UGT2A2: variants seen among roughly 807,000 people sequenced by gnomAD.
The protein encoded by UGT2A2 is UDP-glucuronosyltransferase 2A2.
Under a neutral mutation model 50.7 loss-of-function variants are expected in UGT2A2, and 60 were observed. The ratio of observed to expected loss-of-function variants is 1.18; its 90% CI spans 0.96 to 1.47. The LOEUF is 1.47. Among genes scored for constraint, UGT2A2 ranks in the 40% most tolerant of loss-of-function variants. The pLI, the probability that UGT2A2 is intolerant of heterozygous loss-of-function variation, is 0.00. For missense variants in UGT2A2, 762 were observed against 634.0 expected (o/e 1.20, Z -2.17); for synonymous variants, 242 against 214.6 (o/e 1.13, Z -1.11).
In UGT2A2 at chr4:69,623,500, A is replaced by G. The variant is rs1253628232; in HGVS notation, c.742+15399T>C. Reference sequence around the variant, plus strand: ...AGGAAACTGTGCATACATGTAAAAAAATAGCATAATATTTAACAGAATAGT... The same window carrying G: ...AGGAAACTGTGCATACATGTAAAAAGATAGCATAATATTTAACAGAATAGT... On this transcript the variant is annotated intron_variant, in intron 1 of 5. Coordinates refer to ENST00000604629, the MANE Select transcript of UGT2A2 (RefSeq NM_001105677.2). Among the ~76,000 whole-genome samples the G allele has an allele frequency of 3.3e-5, 5 of 151,908 alleles. No individual in the cohort carries two copies. In the East Asian group the frequency reaches 7.7e-4, roughly 23 times the overall value.
intron 2 of UGT2A2, 65 bp from the exon 3 acceptor site, chr4:69,596,446 C>G (rs1270165188): frequency 2.1e-6 from 3 of 1,422,424 alleles, no homozygotes; most frequent in Non-Finnish European, 2.8e-6. Context: ...AGTTTACTTA[C>G]ACATTTAAGT....
intron 1 of UGT2A2, among the ~76,000 whole-genome samples, chr4:69,625,008 A>AG (rs1467186862): frequency 6.6e-6 from 1 of 151,176 alleles, no homozygotes; most frequent in East Asian, 1.9e-4. Flanking sequence ...AGCAACAAAA[A>AG]AAATCAGCCT....
chr4:69,599,439 G>T (rs1311132019), intron 1 of UGT2A2, 45 bp from the exon 2 acceptor site: 1 of 1,587,140 alleles, frequency 6.3e-7, no homozygotes, highest in Non-Finnish European at 8.5e-7. Flanking sequence ...TAGCTTATAT[G>T]TTTGCTGAGG....
intron 1 of UGT2A2, among the ~76,000 whole-genome samples, chr4:69,636,735 G>A (rs1334238343): frequency 2.6e-5 from 4 of 152,106 alleles, no homozygotes; most frequent in Non-Finnish European, 5.9e-5. Flanking sequence ...GATTTCCTAA[G>A]TAGTTTGGTG....
At chr4:69,633,904 T>C (rs534085487) in intron 1 of UGT2A2, among the ~76,000 whole-genome samples, 5 of 152,112 alleles carry the variant, frequency 3.3e-5, no homozygotes, top group African/African-American at 7.2e-5. Context: ...GAAACTTCAA[T>C]GAGCTATAAA....
intron 1 of UGT2A2, among the ~76,000 whole-genome samples, chr4:69,630,981 G>C (rs1721348674): frequency 6.6e-6 from 1 of 152,088 alleles, no homozygotes; most frequent in Non-Finnish European, 1.5e-5. Context: ...TTAATAACTT[G>C]AATGTGATCT....
At chr4:69,613,611 A>G (rs1455607891) in intron 1 of UGT2A2, among the ~76,000 whole-genome samples, 1 of 152,046 alleles carries the variant, frequency 6.6e-6, no homozygotes, top group Non-Finnish European at 1.5e-5. Context: ...ACAACATATT[A>G]AAAAGATCAT....
chr4:69,596,520 A>C, intron 2 of UGT2A2, 139 bp from the exon 3 acceptor site: 1 of 1,240,754 alleles, frequency 8.1e-7, no homozygotes, highest in Non-Finnish European at 1.0e-6. Flanking sequence ...ATGTAGAAAG[A>C]TCTAGTTTCT....
At chr4:69,594,734 A>C in intron 4 of UGT2A2, 38 bp from the exon 5 acceptor site, 1 of 1,586,990 alleles carries the variant, frequency 6.3e-7, no homozygotes, top group Non-Finnish European at 8.6e-7. Context: ...GTGTGTAATA[A>C]TAACACATTA....
intron 1 of UGT2A2, among the ~76,000 whole-genome samples, chr4:69,612,958 G>T (rs1720156616): frequency 6.8e-6 from 1 of 147,170 alleles, no homozygotes; most frequent in Non-Finnish European, 1.5e-5. Context: ...CATAATGGGA[G>T]AAAATATTTA....
chr4:69,610,050 C>A (rs1343145693), intron 1 of UGT2A2, among the ~76,000 whole-genome samples: 1 of 152,120 alleles, frequency 6.6e-6, no homozygotes, highest in Non-Finnish European at 1.5e-5. Context: ...TAAAACCAGT[C>A]AGGCTTCTGG....
intron 1 of UGT2A2, among the ~76,000 whole-genome samples, chr4:69,632,690 C>A (rs958840891): frequency 4.6e-5 from 7 of 151,862 alleles, no homozygotes; most frequent in African/African-American, 1.2e-4. Context: ...GAGTTTGAGA[C>A]CTGCCTGGCC....
At chr4:69,600,771 G>A (rs1455129481) in intron 1 of UGT2A2, among the ~76,000 whole-genome samples, 1 of 151,266 alleles carries the variant, frequency 6.6e-6, no homozygotes, top group Non-Finnish European at 1.5e-5. Flanking sequence ...ATGGGAGCAG[G>A]AGCAAGAGAG....
Position 69,615,174 on chromosome 4 carries a change from C to A in UGT2A2, c.743-15780G>T, listed in dbSNP as rs183325690. ...AGACAAACCATATCAATCTCTATCT[C>A]TCACCATACACAAAAATCAAATCAC... On this transcript the variant is annotated intron_variant, in intron 1 of 5. Coordinates refer to ENST00000604629, the MANE Select transcript of UGT2A2 (RefSeq NM_001105677.2). Among the ~76,000 whole-genome samples, 35 of 152,092 alleles carry A rather than the reference C, an allele frequency of 2.3e-4. 1 individual carries two copies. The highest frequency in any genetic ancestry group is 1.9e-3 in the Admixed American group (29 of 15,226).
At position 69,613,505 on chromosome 4, in the gene UGT2A2, G is replaced by C. The variant is rs537520284; in HGVS notation, c.743-14111C>G. ...CTATGTTTGGAATACCAAAACCAAA[G>C]ACACAACAACAGTAACAACAACAAC... is the stretch of plus-strand genomic sequence containing the variant. On this transcript the variant is annotated intron_variant, in intron 1 of 5. Transcript: ENST00000604629. Among the ~76,000 whole-genome samples the C allele has an allele frequency of 3.0e-4, 44 of 144,918 alleles. 1 individual carries two copies. The South Asian group carries it at 9.7e-3, about 32-fold the overall frequency.
At chr4:69,590,710 A>T (rs60898419) in intron 5 of UGT2A2, among the ~76,000 whole-genome samples, 27,624 of 152,004 alleles carry the variant, frequency 0.18, 2,849 homozygotes, top group Non-Finnish European at 0.24. Flanking sequence ...GTAATTTCAC[A>T]TGGATCATCC....
chr4:69,635,316 G>A (rs770748515), intron 1 of UGT2A2, among the ~76,000 whole-genome samples: 8 of 152,072 alleles, frequency 5.3e-5, no homozygotes, highest in African/African-American at 1.4e-4. Flanking sequence ...CTGCTCTCCC[G>A]ATCTACAGTG....
chr4:69,613,748 G>A (rs961304483), intron 1 of UGT2A2, among the ~76,000 whole-genome samples: 6 of 151,948 alleles, frequency 3.9e-5, no homozygotes, highest in African/African-American at 7.2e-5. Context: ...ATTTGATGAT[G>A]AGAAAAATAT....
At position 69,596,343 on chromosome 4, in the gene UGT2A2, A is replaced by T; in HGVS notation, c.930T>A (p.Gly310=). The change falls in exon 3 of 6, where the codon GGT becomes GGA. Residue 310 remains glycine (G), a synonymous_variant. Transcript: ENST00000604629. ...TTGATCCCAGAGAAAACACCACAACACCATTTTTACCTGAGCTCTGGATAA... is the reference window on the plus strand; with the variant it reads ...TTGATCCCAGAGAAAACACCACAACTCCATTTTTACCTGAGCTCTGGATAA... The part of the protein sequence containing the change: ...EEFIQSSGKN[G]VVVFSLGSMV... 6.2e-7 allele frequency: 1 copy of T among 1,604,670 alleles called. No individual in the cohort carries two copies. Among genetic ancestry groups the T allele is most frequent in the African/African-American group, 1.3e-5 (1 of 74,588 alleles).
Sources: allele counts gnomAD v4.1 joint callset (sites outside exome capture counted in the v4.1 genomes callset), GRCh38; gene constraint gnomAD v4.1.1; transcripts MANE v1.5; gene names NCBI Gene and HGNC (gene_info 2026-07-23, HGNC 2026-07-21).